The following SUCLG2 variants were observed in gnomAD, a reference collection of about 807,000 sequenced individuals.
The protein encoded by SUCLG2 is succinate-CoA ligase GDP-forming subunit beta.
SUCLG2 carries 42 observed loss-of-function variants against 47.9 expected under a neutral mutation model. The observed-to-expected ratio is 0.88, with a 90% CI of 0.69 to 1.14. SUCLG2 has a LOEUF of 1.14. Among genes scored for constraint, SUCLG2 ranks in the 50% most tolerant of loss-of-function variants. The pLI is 0.00. For synonymous variants in SUCLG2, 195 were observed against 197.3 expected, an observed-to-expected ratio of 0.99 and a Z score of 0.10; for missense variants, 571 against 525.9, an observed-to-expected ratio of 1.09 and a Z score of -0.84.
chr3:67,434,309 T>C (rs1401907711), intron 9 of SUCLG2, among the ~76,000 whole-genome samples: 1 of 152,188 alleles, frequency 6.6e-6, no homozygotes, highest in Non-Finnish European at 1.5e-5. Context: ...GAGGATCTCT[T>C]GAGCTCAGGA....
chr3:67,529,300 TCAAA>T (rs1213682736), intron 2 of SUCLG2, 114 bp from the exon 3 acceptor site: 1 of 715,484 alleles, frequency 1.4e-6, no homozygotes, highest in African/African-American at 1.8e-5. Context: ...AAAAGCTCTC[TCAAA>T]CTAACTTTGA....
intron 10 of SUCLG2, among the ~76,000 whole-genome samples, chr3:67,395,371 T>G (rs1366442350): frequency 1.3e-5 from 2 of 152,092 alleles, no homozygotes; most frequent in Non-Finnish European, 2.9e-5. Context: ...GGGGTTGCAA[T>G]CCTAGTCTCT....
At chr3:67,469,899 G>C (rs1247089419) in intron 9 of SUCLG2, among the ~76,000 whole-genome samples, 1 of 152,002 alleles carries the variant, frequency 6.6e-6, no homozygotes, top group East Asian at 1.9e-4. Context: ...TACATAATTA[G>C]CTGGGTGTGG....
rs1706078487 is a variant in SUCLG2, at chr3:67,520,734, C to T, written c.418-100G>A. On this transcript the variant is annotated intron_variant, in intron 4 of 10. Transcript: ENST00000307227. ...TACACGAATCAAATGGCTTCATTTTCAGGCTCTTACAGCCCAGGGAGTGAG... is the reference window on the plus strand; with the variant it reads ...TACACGAATCAAATGGCTTCATTTTTAGGCTCTTACAGCCCAGGGAGTGAG... 31 of 1,339,542 alleles carry T rather than the reference C, an allele frequency of 2.3e-5. No individual in the cohort carries two copies. The South Asian group carries it at 4.0e-4, about 17-fold the overall frequency. The allele number at this position is 1,339,542 out of a possible 1,614,324, so 83.0% of individuals were successfully genotyped here.
At chr3:67,396,785 C>G (rs940256147) in intron 10 of SUCLG2, among the ~76,000 whole-genome samples, 1 of 152,172 alleles carries the variant, frequency 6.6e-6, no homozygotes, top group Admixed American at 6.5e-5. Context: ...AAAATACTGG[C>G]AAACCGAATC....
At chr3:67,585,977 A>G (rs1325384312) in intron 2 of SUCLG2, among the ~76,000 whole-genome samples, 1 of 86,260 alleles carries the variant, frequency 1.2e-5, no homozygotes, top group Non-Finnish European at 2.8e-5. Context: ...AAAAAAAAAA[A>G]AAAAAAAAAA....
intron 10 of SUCLG2, among the ~76,000 whole-genome samples, chr3:67,396,189 A>C (rs147966132): frequency 0.19 from 29,043 of 152,032 alleles, 2,895 homozygotes; most frequent in Admixed American, 0.28. Context: ...AACTGAAGGA[A>C]ATAGAGACAC....
chr3:67,513,040 A>C (rs2107109731), intron 6 of SUCLG2, among the ~76,000 whole-genome samples: 1 of 151,036 alleles, frequency 6.6e-6, no homozygotes, highest in Admixed American at 6.6e-5. Context: ...ATATACATAC[A>C]TACATAAAAT....
intron 2 of SUCLG2, among the ~76,000 whole-genome samples, chr3:67,550,357 T>C (rs950511458): frequency 8.5e-5 from 13 of 152,188 alleles, no homozygotes; most frequent in Non-Finnish European, 1.6e-4. Context: ...CTTTTTTCCT[T>C]GAGACAGGGT....
chr3:67,377,256 T>A (rs1311345816), intron 10 of SUCLG2, among the ~76,000 whole-genome samples: 1 of 152,244 alleles, frequency 6.6e-6, no homozygotes, highest in Non-Finnish European at 1.5e-5. Flanking sequence ...CGCTGCATGT[T>A]CTAAAGATAT....
At chr3:67,378,674 T>A (rs1191688465) in intron 10 of SUCLG2, among the ~76,000 whole-genome samples, 1 of 152,224 alleles carries the variant, frequency 6.6e-6, no homozygotes, top group Admixed American at 6.5e-5. Flanking sequence ...AACTGTGAGA[T>A]AATAACTGTT....
Position 67,400,781 on chromosome 3 carries a change from T to C in SUCLG2, c.1133A>G (p.Lys378Arg), listed in dbSNP as rs1246123262. The change falls in exon 10 of 11, where the codon AAA becomes AGA. Residue 378 changes from lysine to arginine, a missense_variant. Lys to Arg is a conservative substitution (Grantham distance 26). Transcript: ENST00000307227. ...NCAIIANGIT[K>R]ACRELELKVP... ...CTTGAGTTCTAGCTCCCGGCAGGCT[T>C]TGGTGATCCCATTGGCAATGATGGC... 6.2e-6 allele frequency: 10 copies of C among 1,612,038 alleles called. No homozygotes were observed. Among genetic ancestry groups the C allele is most frequent in the Non-Finnish European group, 8.5e-6 (10 of 1,179,908 alleles).
chr3:67,579,827 AT>A (rs1325273669), intron 2 of SUCLG2, among the ~76,000 whole-genome samples: 1 of 152,220 alleles, frequency 6.6e-6, no homozygotes, highest in Non-Finnish European at 1.5e-5. Flanking sequence ...GTTTAAAAAA[AT>A]TAACTTACCT....
intron 1 of SUCLG2, among the ~76,000 whole-genome samples, chr3:67,621,226 A>G (rs930293927): frequency 1.3e-5 from 2 of 152,176 alleles, no homozygotes; most frequent in Admixed American, 1.3e-4. Flanking sequence ...TAGACTATAG[A>G]GAAGGGCAGT....
intron 9 of SUCLG2, among the ~76,000 whole-genome samples, chr3:67,441,712 T>C (rs537878441): frequency 2.9e-4 from 44 of 152,302 alleles, no homozygotes; most frequent in Admixed American, 9.2e-4. Flanking sequence ...CAAGATGACA[T>C]TGCTAGAAGT....
intron 6 of SUCLG2, among the ~76,000 whole-genome samples, chr3:67,516,886 A>T (rs938413238): frequency 5.9e-5 from 9 of 152,234 alleles, no homozygotes; most frequent in Non-Finnish European, 1.3e-4. Flanking sequence ...GGTGACCACC[A>T]CTGCTACAGG....
At chr3:67,595,972 G>A (rs568716767) in intron 2 of SUCLG2, among the ~76,000 whole-genome samples, 18 of 152,314 alleles carry the variant, frequency 1.2e-4, no homozygotes, top group Admixed American at 5.9e-4. Context: ...CATCAGGATG[G>A]CAGATCTGAA....
chr3:67,611,746 C>G (rs9875474), intron 1 of SUCLG2, among the ~76,000 whole-genome samples: 74,128 of 152,038 alleles, frequency 0.49, 18,991 homozygotes, highest in African/African-American at 0.64. Flanking sequence ...TCAGAACACT[C>G]GCCATATTAA....
At chr3:67,452,401 C>T (rs571513628) in intron 9 of SUCLG2, among the ~76,000 whole-genome samples, 2 of 152,220 alleles carry the variant, frequency 1.3e-5, no homozygotes, top group Admixed American at 6.5e-5. Flanking sequence ...TTTACAAAGA[C>T]GAGACTGGTT....
Sources: gnomAD v4.1 joint callset for allele counts (sites outside exome capture counted in the v4.1 genomes callset) on GRCh38, gnomAD v4.1.1 for gene constraint, MANE v1.5 for transcripts, NCBI Gene and HGNC (gene_info 2026-07-23, HGNC 2026-07-21) for gene names.